The following PDZRN4 variants were observed in gnomAD, a reference collection of about 807,000 sequenced individuals.
The protein encoded by PDZRN4 is PDZ domain containing ring finger 4.
A neutral mutation model predicts 99.0 loss-of-function variants in PDZRN4; 70 were observed. That is an observed-to-expected ratio of 0.71 (90% CI 0.58 to 0.86). The LOEUF is 0.86. Ranked by LOEUF, PDZRN4 falls within the 40% of genes least tolerant of loss-of-function variation. The pLI, the probability that PDZRN4 is intolerant of heterozygous loss-of-function variation, is 0.00. For synonymous variants in PDZRN4, 551 were observed against 501.6 expected (o/e 1.10, Z -1.32); for missense variants, 1,474 against 1,331.2 (o/e 1.11, Z -1.67).
intron 3 of PDZRN4, among the ~76,000 whole-genome samples, chr12:41,302,320 G>A (rs10161329): frequency 0.18 from 28,064 of 151,948 alleles, 3,034 homozygotes; most frequent in African/African-American, 0.27. Flanking sequence ...ATCACCACTT[G>A]TTAAAATGAA....
chr12:41,417,290 G>A (rs1002389059), intron 3 of PDZRN4, among the ~76,000 whole-genome samples: 1 of 152,200 alleles, frequency 6.6e-6, no homozygotes, highest in Non-Finnish European at 1.5e-5. Context: ...ATTGCCAGAT[G>A]TTTTATAGGC....
At chr12:41,271,276 A>G (rs1453480356) in intron 3 of PDZRN4, among the ~76,000 whole-genome samples, 1 of 152,122 alleles carries the variant, frequency 6.6e-6, no homozygotes, top group Non-Finnish European at 1.5e-5. Flanking sequence ...TTATTGTTTT[A>G]TGAATAGCTG....
intron 3 of PDZRN4, among the ~76,000 whole-genome samples, chr12:41,348,538 C>A (rs1489660888): frequency 3.9e-5 from 6 of 151,916 alleles, no homozygotes; most frequent in Non-Finnish European, 8.8e-5. Flanking sequence ...TGAAGAAATG[C>A]CAGTTTCATT....
chr12:41,557,624 T>C (rs1565614818), intron 7 of PDZRN4, among the ~76,000 whole-genome samples: 1 of 152,018 alleles, frequency 6.6e-6, no homozygotes, highest in Non-Finnish European at 1.5e-5. Context: ...ACAACACTCA[T>C]GGAATCACAC....
chr12:41,351,262 G>C (rs924085670), intron 3 of PDZRN4, among the ~76,000 whole-genome samples: 37 of 151,960 alleles, frequency 2.4e-4, no homozygotes, highest in Non-Finnish European at 3.2e-4. Context: ...ACTAAGCAAA[G>C]CAAAACCAAG....
At chr12:41,492,687 G>A (rs1937912185) in intron 3 of PDZRN4, among the ~76,000 whole-genome samples, 2 of 152,054 alleles carry the variant, frequency 1.3e-5, no homozygotes, top group Admixed American at 1.3e-4. Flanking sequence ...GATCTTGGTG[G>A]TGTAAGAAAA....
intron 3 of PDZRN4, among the ~76,000 whole-genome samples, chr12:41,195,747 A>G (rs1472857823): frequency 6.6e-6 from 1 of 152,146 alleles, no homozygotes; most frequent in East Asian, 1.9e-4. Context: ...GGAAACATTC[A>G]CATGCTGTAG....
chr12:41,320,445 TAAC>T (rs1951668311), intron 3 of PDZRN4, among the ~76,000 whole-genome samples: 1 of 152,218 alleles, frequency 6.6e-6, no homozygotes, highest in Non-Finnish European at 1.5e-5. Context: ...TTTTCTATCT[TAAC>T]AATTCAAGAA....
rs1236426661 is a variant in PDZRN4 at position 41,574,021 on chromosome 12, C to A, written c.*131C>A. The A allele has an allele frequency of 5.9e-6, 3 of 508,156 alleles. No homozygotes were observed. The highest frequency in any genetic ancestry group is 9.9e-6 in the Non-Finnish European group (3 of 302,236). 31.5% of individuals were successfully genotyped at this position (508,156 alleles called of 1,614,324 possible). Reference sequence around the variant, plus strand: ...CTTTATAGTTTAAATTTTTTGTAAGCAAAAAATACCTGGTAATTTTTCATT... The same window carrying A: ...CTTTATAGTTTAAATTTTTTGTAAGAAAAAAATACCTGGTAATTTTTCATT... On this transcript the variant is annotated 3_prime_UTR_variant, in exon 10 of 10. Coordinates refer to ENST00000402685, the MANE Select transcript of PDZRN4 (RefSeq NM_001164595.2).
At chr12:41,191,744 TTTTATTTA>T (rs146409787) in intron 2 of PDZRN4, among the ~76,000 whole-genome samples, 200 bp downstream of exon 2, 1,648 of 121,362 alleles carry the variant, frequency 0.014, 21 homozygotes, top group African/African-American at 0.048. Flanking sequence ...CATACCCAGA[TTTTATTTA>T]TTTATTTATT....
At chr12:41,365,656 C>T (rs376448356) in intron 3 of PDZRN4, among the ~76,000 whole-genome samples, 73 of 152,108 alleles carry the variant, frequency 4.8e-4, no homozygotes, top group South Asian at 2.9e-3. Flanking sequence ...ATTCCCTTTC[C>T]CCTCTTTGAG....
intron 4 of PDZRN4, among the ~76,000 whole-genome samples, chr12:41,508,129 T>C (rs1234176213): frequency 6.6e-6 from 1 of 152,166 alleles, no homozygotes; most frequent in Admixed American, 6.6e-5. Context: ...CATTATATTA[T>C]CAACATTCTA....
chr12:41,462,695 A>C (rs542088521), intron 3 of PDZRN4, among the ~76,000 whole-genome samples: 41 of 152,322 alleles, frequency 2.7e-4, no homozygotes, highest in Non-Finnish European at 3.4e-4. Flanking sequence ...AAAAAATGTG[A>C]ATTTTAGATG....
intron 3 of PDZRN4, among the ~76,000 whole-genome samples, chr12:41,333,679 T>G (rs2120998662): frequency 6.6e-6 from 1 of 152,250 alleles, no homozygotes; most frequent in African/African-American, 2.4e-5. Context: ...CTGGAATATC[T>G]TGTTATGCCT....
intron 3 of PDZRN4, among the ~76,000 whole-genome samples, chr12:41,226,463 T>C (rs1466662153): frequency 6.6e-6 from 1 of 152,068 alleles, no homozygotes; most frequent in Non-Finnish European, 1.5e-5. Flanking sequence ...GACTGGTACC[T>C]AGAAGCTCTT....
chr12:41,552,359 T>C (rs1939073110), intron 5 of PDZRN4, among the ~76,000 whole-genome samples: 1 of 152,198 alleles, frequency 6.6e-6, no homozygotes, highest in Non-Finnish European at 1.5e-5. Context: ...TGTATACATG[T>C]ATTTGATTTA....
chr12:41,437,942 A>G, intron 3 of PDZRN4: 7 of 1,614,038 alleles, frequency 4.3e-6, no homozygotes, highest in Non-Finnish European at 5.9e-6. Flanking sequence ...TCTGCTTCTT[A>G]GAATGGGCTG....
At chr12:41,417,849 A>T (rs1368270678) in intron 3 of PDZRN4, among the ~76,000 whole-genome samples, 1 of 152,214 alleles carries the variant, frequency 6.6e-6, no homozygotes, top group African/African-American at 2.4e-5. Flanking sequence ...GGGAGAAGAC[A>T]CATTGTGTGG....
At chr12:41,336,638 C>T (rs1480548652) in intron 3 of PDZRN4, among the ~76,000 whole-genome samples, 1 of 152,082 alleles carries the variant, frequency 6.6e-6, no homozygotes, top group Non-Finnish European at 1.5e-5. Flanking sequence ...GCAGAGTGGG[C>T]TGTGTGGGAG....
Sources: gnomAD v4.1 joint callset for allele counts (sites outside exome capture counted in the v4.1 genomes callset) on GRCh38, gnomAD v4.1.1 for gene constraint, MANE v1.5 for transcripts, NCBI Gene and HGNC (gene_info 2026-07-23, HGNC 2026-07-21) for gene names.